Variants in VKORC1L1 observed in about 807,000 individuals in gnomAD.
VKORC1L1 encodes the protein vitamin K epoxide reductase complex subunit 1-like protein 1.
A neutral mutation model predicts 18.9 loss-of-function variants in VKORC1L1; 2 were observed. The ratio of observed to expected loss-of-function variants is 0.11; its 90% CI spans 0.04 to 0.33. VKORC1L1 has a LOEUF of 0.33. VKORC1L1 is among the 10% of genes least tolerant of loss of function. The pLI is 1.00. For missense variants in VKORC1L1, 123 were observed against 224.1 expected (o/e 0.55, Z 2.88); for synonymous variants, 96 against 100.0 (o/e 0.96, Z 0.24).
In VKORC1L1 at chr7:65,957,064, C is replaced by T. The variant is rs1048430581; in HGVS notation, c.*2764C>T. ...GTTGCTCTCACTAAAGGTAAATTTCCGGTGAAATAACTCAGGTTTAACTAG... is the reference window on the plus strand; with the variant it reads ...GTTGCTCTCACTAAAGGTAAATTTCTGGTGAAATAACTCAGGTTTAACTAG... On this transcript the variant is annotated 3_prime_UTR_variant, in exon 3 of 3. Transcript: ENST00000360768. The T allele has an allele frequency of 1.3e-5, 2 of 152,150 alleles. No homozygotes were observed. The highest frequency in any genetic ancestry group is 1.5e-5 in the Non-Finnish European group (1 of 68,036). 9.4% of individuals were successfully genotyped at this position (152,150 alleles called of 1,614,324 possible).
At chr7:65,913,742 AG>A (rs1562993467) in intron 1 of VKORC1L1, among the ~76,000 whole-genome samples, 1 of 81,878 alleles carries the variant, frequency 1.2e-5, no homozygotes, top group Non-Finnish European at 2.2e-5. Context: ...AAAAAAAAAA[AG>A]GGAGGGGGGT....
intron 1 of VKORC1L1, among the ~76,000 whole-genome samples, chr7:65,905,706 T>C (rs1789395251): frequency 6.6e-6 from 1 of 152,208 alleles, no homozygotes; most frequent in African/African-American, 2.4e-5. Context: ...AGTAGAATTG[T>C]CAAATTTACA....
chr7:65,900,837 C>T (rs1025735235), intron 1 of VKORC1L1, among the ~76,000 whole-genome samples: 5 of 152,072 alleles, frequency 3.3e-5, no homozygotes, highest in African/African-American at 4.8e-5. Flanking sequence ...AATAGAAGTA[C>T]ATACATAAAC....
intron 1 of VKORC1L1, among the ~76,000 whole-genome samples, chr7:65,877,529 G>A (rs1306522644): frequency 1.3e-5 from 2 of 152,052 alleles, no homozygotes; most frequent in Admixed American, 6.6e-5. Flanking sequence ...TGTATTTTTA[G>A]TAGAGACAGG....
chr7:65,878,131 T>A (rs1173588045), intron 1 of VKORC1L1, among the ~76,000 whole-genome samples: 1 of 152,076 alleles, frequency 6.6e-6, no homozygotes, highest in African/African-American at 2.4e-5. Flanking sequence ...CCCATTGAGA[T>A]AATAAAACTT....
At chr7:65,871,458 A>G (rs1157649661), upstream of VKORC1L1, among the ~76,000 whole-genome samples, 1 of 152,022 alleles carries the variant, frequency 6.6e-6, no homozygotes, top group East Asian at 1.9e-4. Flanking sequence ...GCCTCCCAAA[A>G]TTCTGGGATT....
chr7:65,873,656 G>A (rs1177198775), intron 1 of VKORC1L1, 91 bp downstream of exon 1: 1 of 1,275,280 alleles, frequency 7.8e-7, no homozygotes, highest in Non-Finnish European at 1.0e-6. Flanking sequence ...GCTCAGGCCT[G>A]GGGGCGGCGG....
intron 1 of VKORC1L1, among the ~76,000 whole-genome samples, chr7:65,922,554 G>C (rs907788910): frequency 1.3e-5 from 2 of 152,242 alleles, no homozygotes; most frequent in Non-Finnish European, 2.9e-5. Flanking sequence ...AAAGTGCTGG[G>C]ATTACAGGCG....
intron 1 of VKORC1L1, among the ~76,000 whole-genome samples, chr7:65,922,911 CT>C (rs1343286011): frequency 3.3e-5 from 5 of 152,120 alleles, no homozygotes; most frequent in African/African-American, 4.8e-5. Flanking sequence ...GGGTTCAACT[CT>C]TCTTGAATCT....
chr7:65,881,721 G>C (rs1270357338), intron 1 of VKORC1L1, among the ~76,000 whole-genome samples: 1 of 152,118 alleles, frequency 6.6e-6, no homozygotes, highest in Non-Finnish European at 1.5e-5. Context: ...TTTGGGCGAG[G>C]GTACTTGGGA....
intron 1 of VKORC1L1, among the ~76,000 whole-genome samples, chr7:65,876,899 A>G (rs548185027): frequency 2.0e-5 from 3 of 152,282 alleles, no homozygotes; most frequent in South Asian, 2.1e-4. Flanking sequence ...TACAAACGTT[A>G]ACCGGGCATG....
In VKORC1L1 at chr7:65,959,548, C is replaced by A. The variant is rs1214017590; in HGVS notation, c.*5248C>A. The A allele has an allele frequency of 6.6e-6, 1 of 152,228 alleles. No homozygotes were observed. Among genetic ancestry groups the A allele is most frequent in the Non-Finnish European group, 1.5e-5 (1 of 68,038 alleles). 9.4% of individuals were successfully genotyped at this position (152,228 alleles called of 1,614,324 possible). On this transcript the variant is annotated 3_prime_UTR_variant, in exon 3 of 3. Coordinates refer to ENST00000360768, the MANE Select transcript of VKORC1L1 (RefSeq NM_173517.6). ...AAATGGACGATGCCTAATAAAACCA[C>A]ATGAAATTAACTTTATTCTTTCTTT...
At chr7:65,945,122 G>T (rs1345199791) in intron 1 of VKORC1L1, among the ~76,000 whole-genome samples, 1 of 151,710 alleles carries the variant, frequency 6.6e-6, no homozygotes, top group East Asian at 1.9e-4. Context: ...TTAGCTGGGC[G>T]TGGTGGCGGG....
chr7:65,903,671 C>G (rs1434463480), intron 1 of VKORC1L1, among the ~76,000 whole-genome samples: 1 of 150,882 alleles, frequency 6.6e-6, no homozygotes, highest in Non-Finnish European at 1.5e-5. Flanking sequence ...CCTTGGGAGA[C>G]TGAGGTTAGA....
chr7:65,913,432 A>C (rs1412031024), intron 1 of VKORC1L1, among the ~76,000 whole-genome samples: 4 of 151,958 alleles, frequency 2.6e-5, no homozygotes, highest in African/African-American at 7.3e-5. Flanking sequence ...CTGTGCCATT[A>C]GAAGGGAAAA....
At chr7:65,912,260 T>G (rs1415739386) in intron 1 of VKORC1L1, among the ~76,000 whole-genome samples, 1 of 152,262 alleles carries the variant, frequency 6.6e-6, no homozygotes, top group Non-Finnish European at 1.5e-5. Context: ...AGGCATGAGC[T>G]GTGCGTAAAT....
chr7:65,947,682 G>C (rs1790144576), intron 1 of VKORC1L1, among the ~76,000 whole-genome samples: 1 of 151,858 alleles, frequency 6.6e-6, no homozygotes, highest in South Asian at 2.1e-4. Flanking sequence ...TATAGTTTCT[G>C]ATATTATCCT....
intron 1 of VKORC1L1, among the ~76,000 whole-genome samples, chr7:65,885,617 T>C (rs1365582153): frequency 5.9e-5 from 9 of 152,182 alleles, no homozygotes; most frequent in Non-Finnish European, 8.8e-5. Flanking sequence ...ATCTAAATTT[T>C]TCCTAAATGG....
chr7:65,897,511 A>T (rs1472584450), intron 1 of VKORC1L1, among the ~76,000 whole-genome samples: 9 of 152,206 alleles, frequency 5.9e-5, no homozygotes. Flanking sequence ...ATTATAGAGC[A>T]ATAAGAATGA....
Sources: allele counts gnomAD v4.1 joint callset (sites outside exome capture counted in the v4.1 genomes callset), GRCh38; gene constraint gnomAD v4.1.1; transcripts MANE v1.5; gene names NCBI Gene and HGNC (gene_info 2026-07-23, HGNC 2026-07-21).